Variants in FKTN observed in about 807,000 individuals in gnomAD.
FKTN encodes ribitol-5-phosphate transferase FKTN.
FKTN carries 47 observed loss-of-function variants against 58.6 expected under a neutral mutation model. The observed-to-expected ratio is 0.80, with a 90% CI of 0.63 to 1.02. The LOEUF (loss-of-function observed/expected upper bound fraction) is 1.02. Ranked by LOEUF, FKTN falls within the 50% of genes least tolerant of loss-of-function variation. The probability of loss-of-function intolerance (pLI) is 0.00; values close to 1 mark genes in which losing one functional copy is unlikely to be tolerated. For synonymous variants in FKTN, 178 were observed against 191.9 expected (o/e 0.93, Z 0.60); for missense variants, 516 against 537.3 (o/e 0.96, Z 0.39).
chr9:105,616,365 A>G (rs910701643), intron 8 of FKTN, among the ~76,000 whole-genome samples: 2 of 152,216 alleles, frequency 1.3e-5, no homozygotes, highest in Admixed American at 6.5e-5. Context: ...TGAGAGGAAC[A>G]TTAAAGACAG....
chr9:105,580,135 G>A (rs1250296080), intron 3 of FKTN, among the ~76,000 whole-genome samples: 1 of 152,086 alleles, frequency 6.6e-6, no homozygotes, highest in Non-Finnish European at 1.5e-5. Context: ...GCCAGTCTGT[G>A]TCTTTTAATT....
Position 105,639,459 on chromosome 9 carries a change from GT to G in FKTN, c.*4200del. The G allele has an allele frequency of 1.6e-6, 1 of 637,680 alleles. No individual in the cohort carries two copies. Among genetic ancestry groups the G allele is most frequent in the Non-Finnish European group, 2.0e-6 (1 of 512,754 alleles). The allele number at this position is 637,680 out of a possible 1,614,324, so 39.5% of individuals were successfully genotyped here. On this transcript the variant is annotated 3_prime_UTR_variant, in exon 11 of 11. Transcript: ENST00000357998. ...GGGGAAATGATACATACTTCTAAGG[GT>G]TTTTAGGGGGATTAAATGAAGTATA... is the stretch of plus-strand genomic sequence containing the variant.
At chr9:105,562,347 G>A (rs764343714) in intron 1 of FKTN, among the ~76,000 whole-genome samples, 16 of 152,180 alleles carry the variant, frequency 1.1e-4, no homozygotes, top group Non-Finnish European at 1.8e-4. Flanking sequence ...TGATGATAAG[G>A]GTGTGAAAAA....
intron 3 of FKTN, among the ~76,000 whole-genome samples, chr9:105,581,824 G>A (rs562251995): frequency 5.9e-5 from 9 of 152,204 alleles, no homozygotes; most frequent in African/African-American, 2.2e-4. Context: ...GCGAGATTCC[G>A]TGGGCGTAGG....
rs201504958 is a variant in FKTN at position 105,589,518 on chromosome 9, GGGC to G, written c.106-7077_106-7075del. ...CTCCATCTCAAAAAAAAACTGGGGG[GGGC>G]GGGTACTAACAAAATGGTATAATCT... On this transcript the variant is annotated intron_variant, in intron 3 of 10. Coordinates refer to ENST00000357998, the MANE Select transcript of FKTN (RefSeq NM_001079802.2). 8.3e-3 allele frequency among the ~76,000 whole-genome samples: 1,253 copies of G among 151,854 alleles called. 20 individuals carry two copies. Among genetic ancestry groups the G allele is most frequent in the African/African-American group, 0.029 (1,196 of 41,318 alleles).
At chr9:105,571,415 T>C (rs561141426) in intron 1 of FKTN, among the ~76,000 whole-genome samples, 1 of 152,320 alleles carries the variant, frequency 6.6e-6, no homozygotes, top group East Asian at 1.9e-4. Context: ...GTGACTGAAT[T>C]GCCTTGGCAT....
Position 105,607,871 on chromosome 9 carries a change from G to A in FKTN, c.700G>A (p.Asp234Asn). Residue 234 changes from aspartate (D) to asparagine (N), a missense_variant, in exon 7 of 11, where the codon GAT becomes AAT. By Grantham distance (23) the Asp-to-Asn change is conservative (BLOSUM62 1). Transcript: ENST00000357998. ...TGGACTGGAAGTTCTCATTCCAAAGGATCCAATGCACTTTGTAGAAGAAGT... is the reference window on the plus strand; with the variant it reads ...TGGACTGGAAGTTCTCATTCCAAAGAATCCAATGCACTTTGTAGAAGAAGT... ...VDGLEVLIPK[D>N]PMHFVEEVPH... 3.1e-6 allele frequency: 5 copies of A among 1,611,946 alleles called. No homozygotes were observed. The highest frequency in any genetic ancestry group is 4.2e-6 in the Non-Finnish European group (5 of 1,178,208).
chr9:105,617,150 T>C (rs1301002428), intron 8 of FKTN, among the ~76,000 whole-genome samples: 3 of 152,214 alleles, frequency 2.0e-5, no homozygotes, highest in Non-Finnish European at 4.4e-5. Context: ...AACAATATTA[T>C]CCAACAGCAA....
intron 1 of FKTN, among the ~76,000 whole-genome samples, chr9:105,571,914 A>AT (rs1416961853): frequency 6.6e-6 from 1 of 152,180 alleles, no homozygotes; most frequent in Non-Finnish European, 1.5e-5. Context: ...GCATTTCAGA[A>AT]TTTTGGATTA....
intron 7 of FKTN, among the ~76,000 whole-genome samples, chr9:105,615,046 G>C (rs564582155): frequency 2.6e-4 from 40 of 152,086 alleles, no homozygotes; most frequent in African/African-American, 8.7e-4. Flanking sequence ...ACCACTCTCA[G>C]CTAATTTTTA....
At chr9:105,580,395 G>A (rs1842657758) in intron 3 of FKTN, among the ~76,000 whole-genome samples, 1 of 149,698 alleles carries the variant, frequency 6.7e-6, no homozygotes, top group South Asian at 2.2e-4. Flanking sequence ...TTGCTTGTCT[G>A]TAAAGTATTT....
rs146967918 is a variant in FKTN, at chr9:105,618,071, G to T, written c.1023G>T (p.Pro341=). ...TAGCATTTCAGGATGCAGGACTTCC[G>T]CTCAAACACAAATTTGGGAAGGTCA... ...IILAFQDAGL[P]LKHKFGKVED... The change falls in exon 9 of 11, where the codon CCG becomes CCT. Residue 341 remains proline (P), a synonymous_variant. Transcript: ENST00000357998. 12 of 1,612,018 alleles carry T rather than the reference G, an allele frequency of 7.4e-6. No individual in the cohort carries two copies. In the East Asian group the frequency reaches 1.8e-4, roughly 24 times the overall value.
chr9:105,568,080 G>T (rs961792404), intron 1 of FKTN, among the ~76,000 whole-genome samples: 6 of 152,138 alleles, frequency 3.9e-5, no homozygotes, highest in African/African-American at 1.4e-4. Flanking sequence ...GGGAAAACTG[G>T]CTAGCCATAT....
intron 4 of FKTN, among the ~76,000 whole-genome samples, chr9:105,597,358 C>A (rs935863778): frequency 2.6e-5 from 4 of 152,110 alleles, no homozygotes; most frequent in Admixed American, 1.3e-4. Flanking sequence ...CATTTTAGAT[C>A]ATTGCTAACA....
At chr9:105,574,856 T>C (rs1841383822) in intron 2 of FKTN, 89 bp from the exon 3 acceptor site, 1 of 593,746 alleles carries the variant, frequency 1.7e-6, no homozygotes, top group East Asian at 2.9e-5. Context: ...CTGTGGAAAT[T>C]TAATTTTTTC....
At chr9:105,606,850 C>G (rs1295910095) in intron 6 of FKTN, among the ~76,000 whole-genome samples, 1 of 151,452 alleles carries the variant, frequency 6.6e-6, no homozygotes, top group African/African-American at 2.4e-5. Context: ...CTGAACCAAG[C>G]CATATTTTCA....
intron 10 of FKTN, among the ~76,000 whole-genome samples, chr9:105,632,636 A>G (rs556139190): frequency 2.0e-5 from 3 of 152,070 alleles, no homozygotes; most frequent in African/African-American, 7.2e-5. Context: ...TCCAACTACC[A>G]CCAAGTAGTT....
Position 105,639,453 on chromosome 9 carries a change from C to G in FKTN, c.*4189C>G. 1 of 623,666 alleles carries G rather than the reference C, an allele frequency of 1.6e-6. No individual in the cohort carries two copies. The highest frequency in any genetic ancestry group is 7.2e-5 in the South Asian group (1 of 13,948). The allele number at this position is 623,666 out of a possible 1,614,324, so 38.6% of individuals were successfully genotyped here. On this transcript the variant is annotated 3_prime_UTR_variant, in exon 11 of 11. Coordinates refer to ENST00000357998, the MANE Select transcript of FKTN (RefSeq NM_001079802.2). ...TGAACTGGGGAAATGATACATACTTCTAAGGGTTTTTAGGGGGATTAAATG... is the reference window on the plus strand; with the variant it reads ...TGAACTGGGGAAATGATACATACTTGTAAGGGTTTTTAGGGGGATTAAATG...
At chr9:105,631,257 T>A (rs558106745) in intron 10 of FKTN, among the ~76,000 whole-genome samples, 1 of 152,142 alleles carries the variant, frequency 6.6e-6, no homozygotes, top group South Asian at 2.1e-4. Context: ...CAGAAAAACG[T>A]TAGGAATGTG....
Sources: allele counts gnomAD v4.1 joint callset (sites outside exome capture counted in the v4.1 genomes callset), GRCh38; gene constraint gnomAD v4.1.1; transcripts MANE v1.5; gene names NCBI Gene and HGNC (gene_info 2026-07-23, HGNC 2026-07-21).